Variants in DIP2C observed in about 807,000 individuals in gnomAD.
The protein encoded by DIP2C is disco-interacting protein 2 homolog C.
A neutral mutation model predicts 192.4 loss-of-function variants in DIP2C; 33 were observed. That is an observed-to-expected ratio of 0.17 (90% CI 0.13 to 0.23). The LOEUF is 0.23. Among genes scored for constraint, DIP2C ranks in the 10% least tolerant of loss-of-function variants. The pLI is 1.00. For synonymous variants in DIP2C, 979 were observed against 864.1 expected, an observed-to-expected ratio of 1.13 and a Z score of -2.33; for missense variants, 1,537 against 2,110.1, an observed-to-expected ratio of 0.73 and a Z score of 5.32.
chr10:592,025 A>G lies in DIP2C; in HGVS notation c.85+97469T>C, dbSNP rs816615. Among the ~76,000 whole-genome samples, 1,371 of 152,336 alleles carry G rather than the reference A, an allele frequency of 9.0e-3. 24 individuals are homozygous for G. The highest frequency in any genetic ancestry group is 0.032 in the African/African-American group (1,324 of 41,566). On this transcript the variant is annotated intron_variant, in intron 1 of 36. Transcript: ENST00000280886. Reference sequence around the variant, plus strand: ...TGTCATTTCACATTTCAAGCGAAGAAAACAGTGGTAGGGCATGAGGGAGAC... The same window carrying G: ...TGTCATTTCACATTTCAAGCGAAGAGAACAGTGGTAGGGCATGAGGGAGAC...
intron 32 of DIP2C, among the ~76,000 whole-genome samples, chr10:299,517 A>C (rs554010769): frequency 5.1e-4 from 78 of 152,358 alleles, no homozygotes; most frequent in African/African-American, 1.8e-3. Flanking sequence ...AAGTGGATCA[A>C]TGACATAAAT....
intron 1 of DIP2C, among the ~76,000 whole-genome samples, chr10:551,469 C>T (rs1848583577): frequency 6.6e-6 from 1 of 151,698 alleles, no homozygotes; most frequent in Non-Finnish European, 1.5e-5. Flanking sequence ...AATAACCTAG[C>T]AAGGGAAAGC....
At chr10:480,987 G>C (rs1843562358) in intron 2 of DIP2C, among the ~76,000 whole-genome samples, 1 of 152,332 alleles carries the variant, frequency 6.6e-6, no homozygotes, top group Non-Finnish European at 1.5e-5. Flanking sequence ...CACATGGCCT[G>C]AGACCCTAAG....
At chr10:372,794 C>T (rs1254506852) in intron 17 of DIP2C, among the ~76,000 whole-genome samples, 3 of 152,052 alleles carry the variant, frequency 2.0e-5, no homozygotes, top group East Asian at 1.9e-4. Context: ...CGGGAGCTCC[C>T]GGCACACAGG....
intron 1 of DIP2C, among the ~76,000 whole-genome samples, chr10:493,667 G>C (rs1264767294): frequency 6.6e-6 from 1 of 152,184 alleles, no homozygotes; most frequent in Non-Finnish European, 1.5e-5. Context: ...CCCCCTCAGA[G>C]TTTTTTCTTT....
intron 3 of DIP2C, among the ~76,000 whole-genome samples, chr10:454,330 T>C (rs1160148840): frequency 1.3e-5 from 2 of 152,186 alleles, no homozygotes; most frequent in East Asian, 3.8e-4. Context: ...CTAAAATACA[T>C]TTAACAGCGT....
chr10:525,525 CTG>C (rs1212913854), intron 1 of DIP2C, among the ~76,000 whole-genome samples: 1 of 152,206 alleles, frequency 6.6e-6, no homozygotes, highest in Non-Finnish European at 1.5e-5. Context: ...GTCTTTCTAA[CTG>C]TAAAAATTCG....
rs181749594 is a variant in DIP2C at position 674,971 on chromosome 10, C to T, written c.85+14523G>A. ...ACAGACATTTACAGAACATTTCATC[C>T]AACAGATACAAAATGCACATTCTTC... On this transcript the variant is annotated intron_variant, in intron 1 of 36. Coordinates refer to ENST00000280886, the MANE Select transcript of DIP2C (RefSeq NM_014974.3). Among the ~76,000 whole-genome samples, 100 of 151,884 alleles carry T rather than the reference C, an allele frequency of 6.6e-4. 1 individual carries two copies. Among genetic ancestry groups the T allele is most frequent in the African/African-American group, 2.3e-3 (96 of 41,400 alleles).
chr10:523,141 C>T (rs190740605), intron 1 of DIP2C, among the ~76,000 whole-genome samples: 2 of 151,458 alleles, frequency 1.3e-5, no homozygotes, highest in East Asian at 2.0e-4. Context: ...ACACTCGTTT[C>T]TACCTTACAC....
chr10:317,803 A>C (rs1458176806), intron 31 of DIP2C, among the ~76,000 whole-genome samples: 1 of 152,246 alleles, frequency 6.6e-6, no homozygotes, highest in African/African-American at 2.4e-5. Flanking sequence ...TGTTCAGTGC[A>C]GTGTCCATCA....
At chr10:574,375 C>T (rs1399112526) in intron 1 of DIP2C, among the ~76,000 whole-genome samples, 2 of 152,152 alleles carry the variant, frequency 1.3e-5, no homozygotes, top group African/African-American at 4.8e-5. Context: ...TACATAAATA[C>T]AAATGATAAA....
At chr10:480,319 C>T (rs954335499) in intron 2 of DIP2C, among the ~76,000 whole-genome samples, 1 of 149,696 alleles carries the variant, frequency 6.7e-6, no homozygotes. Context: ...GCCTGAGCTC[C>T]GGTCCATGCT....
At chr10:335,163 A>G (rs1254458551) in intron 29 of DIP2C, among the ~76,000 whole-genome samples, 3 of 152,260 alleles carry the variant, frequency 2.0e-5, no homozygotes, top group African/African-American at 7.2e-5. Flanking sequence ...TCAGATAAAC[A>G]ATCCTCTATG....
At chr10:448,100 C>CA (rs1171940700) in intron 3 of DIP2C, among the ~76,000 whole-genome samples, 3 of 131,618 alleles carry the variant, frequency 2.3e-5, no homozygotes, top group South Asian at 4.6e-4. Flanking sequence ...CACAGTGGGG[C>CA]AGCAGGACCC....
intron 1 of DIP2C, among the ~76,000 whole-genome samples, chr10:551,806 G>A (rs1350443387): frequency 2.6e-5 from 4 of 152,186 alleles, no homozygotes; most frequent in Non-Finnish European, 4.4e-5. Flanking sequence ...CCAGGCTCTG[G>A]GGTTCAACCT....
chr10:544,031 T>C (rs1207158904), intron 1 of DIP2C, among the ~76,000 whole-genome samples: 1 of 151,796 alleles, frequency 6.6e-6, no homozygotes, highest in Non-Finnish European at 1.5e-5. Flanking sequence ...TGACCTTTGG[T>C]GCCAGCATCT....
At chr10:662,043 C>T in intron 1 of DIP2C, 1 of 716,566 alleles carries the variant, frequency 1.4e-6, no homozygotes, top group Non-Finnish European at 2.6e-6. Flanking sequence ...GCCTGTCCCC[C>T]GTGGCTCCAC....
At chr10:565,545 A>G (rs1405174579) in intron 1 of DIP2C, among the ~76,000 whole-genome samples, 1 of 152,168 alleles carries the variant, frequency 6.6e-6, no homozygotes, top group Non-Finnish European at 1.5e-5. Context: ...ATCGTAAGAG[A>G]GGCATTTTCC....
At position 666,317 on chromosome 10, in the gene DIP2C, G is replaced by A. The variant is rs1461550819; in HGVS notation, c.85+23177C>T. 1 of 152,290 alleles carries A rather than the reference G, an allele frequency of 6.6e-6. No individual in the cohort carries two copies. Among genetic ancestry groups the A allele is most frequent in the Non-Finnish European group, 1.5e-5 (1 of 68,094 alleles). 9.4% of individuals were successfully genotyped at this position (152,290 alleles called of 1,614,324 possible). A position where few individuals can be genotyped will look rare whatever the true frequency, so the allele number is the denominator to read the frequency against. ...AAGCAACGAGGCGAACGGCTGGTCTGCGTTCAGAGCTGGTGAGGAGCAGGG... is the reference window on the plus strand; with the variant it reads ...AAGCAACGAGGCGAACGGCTGGTCTACGTTCAGAGCTGGTGAGGAGCAGGG... On this transcript the variant is annotated intron_variant, in intron 1 of 36. Coordinates refer to ENST00000280886, the MANE Select transcript of DIP2C (RefSeq NM_014974.3). This position sits in a 1 kb window ranked among gnomAD's most constrained non-coding sequence, Gnocchi z 4.1.
Sources: allele counts gnomAD v4.1 joint callset (sites outside exome capture counted in the v4.1 genomes callset), GRCh38; gene constraint gnomAD v4.1.1; non-coding constraint Gnocchi (gnomAD v3.1); transcripts MANE v1.5; gene names NCBI Gene and HGNC (gene_info 2026-07-23, HGNC 2026-07-21).